The following HIF1A variants were observed in gnomAD, a reference collection of about 807,000 sequenced individuals.
HIF1A encodes the protein hypoxia inducible factor 1 subunit alpha, also known as hypoxia-inducible factor 1-alpha.
HIF1A carries 24 observed loss-of-function variants against 92.7 expected under a neutral mutation model. That is an observed-to-expected ratio of 0.26 (90% CI 0.19 to 0.36). HIF1A has a LOEUF of 0.36. Ranked by LOEUF, HIF1A falls within the 10% of genes least tolerant of loss-of-function variation. HIF1A has a pLI of 1.00. For synonymous variants in HIF1A, 319 were observed against 338.7 expected, an observed-to-expected ratio of 0.94 and a Z score of 0.64; for missense variants, 799 against 998.5, an observed-to-expected ratio of 0.80 and a Z score of 2.69.
intron 12 of HIF1A, among the ~76,000 whole-genome samples, chr14:61,742,446 A>G (rs1468145630): frequency 6.6e-6 from 1 of 152,138 alleles, no homozygotes; most frequent in Non-Finnish European, 1.5e-5. Flanking sequence ...GCTTTAGATG[A>G]ACTCAGAAGT....
In HIF1A at chr14:61,726,780, C is replaced by T; in HGVS notation, c.532C>T (p.Arg178Ter). Reference sequence around the variant, plus strand: ...CAGAATGAAGTGTACCCTAACTAGCCGAGGAAGAACTATGAACATAAAGTC... The same window carrying T: ...CAGAATGAAGTGTACCCTAACTAGCTGAGGAAGAACTATGAACATAAAGTC... ...FLRMKCTLTS[R>*]GRTMNIKSAT... is the part of the protein sequence containing the mutation. The change falls in exon 5 of 15, where the codon CGA becomes TGA. Residue 178 changes from arginine to a stop codon, truncating the protein, a stop_gained. Transcript: ENST00000337138. LOFTEE classifies it high-confidence loss of function. 2 of 1,607,066 alleles carry T rather than the reference C, an allele frequency of 1.2e-6. No individual in the cohort carries two copies. The highest frequency in any genetic ancestry group is 1.7e-6 in the Non-Finnish European group (2 of 1,176,654).
intron 1 of HIF1A, among the ~76,000 whole-genome samples, chr14:61,702,333 C>T (rs528490331): frequency 9.1e-5 from 13 of 142,378 alleles, no homozygotes; most frequent in African/African-American, 2.9e-4. Flanking sequence ...CCCAGCTACT[C>T]GGAGGCTGAG....
chr14:61,710,452 C>G (rs1055316171), intron 1 of HIF1A, among the ~76,000 whole-genome samples: 6 of 152,110 alleles, frequency 3.9e-5, no homozygotes, highest in Non-Finnish European at 8.8e-5. Flanking sequence ...TTGAATACAT[C>G]AATAACATTC....
At position 61,721,528 on chromosome 14, in the gene HIF1A, T is replaced by G. The variant is rs751560090; in HGVS notation, c.246T>G (p.Asp82Glu). ...TTTTAGGTGATTTGGATATTGAAGA[T>G]GACATGAAAGCACAGATGAATTGCT... ...LLDAGDLDIE[D>E]DMKAQMNCFY... Residue 82 changes from aspartate to glutamate, a missense_variant, in exon 3 of 15, where the codon GAT becomes GAG. Asp to Glu is a conservative substitution (Grantham distance 45). Transcript: ENST00000337138. The G allele has an allele frequency of 6.2e-7, 1 of 1,613,244 alleles. No homozygotes were observed. The highest frequency in any genetic ancestry group is 1.1e-5 in the South Asian group (1 of 91,050).
At position 61,732,676 on chromosome 14, in the gene HIF1A, T is replaced by G. The variant is rs552595830; in HGVS notation, c.880+152T>G. On this transcript the variant is annotated intron_variant, in intron 7 of 14. Coordinates refer to ENST00000337138, the MANE Select transcript of HIF1A (RefSeq NM_001530.4). ...GTAGAGATCTTGACCATTTTGTGTT[T>G]TGTATGTGTTGCAACAAATATCAGT... is the stretch of plus-strand genomic sequence containing the variant. 1.2e-4 allele frequency: 55 copies of G among 460,880 alleles called. No homozygotes were observed. In the East Asian group the frequency reaches 1.3e-3, roughly 11 times the overall value. The allele number at this position is 460,880 out of a possible 1,614,324, so 28.5% of individuals were successfully genotyped here.
intron 1 of HIF1A, among the ~76,000 whole-genome samples, chr14:61,719,609 A>G (rs2044402578): frequency 6.6e-6 from 1 of 152,254 alleles, no homozygotes; most frequent in African/African-American, 2.4e-5. Context: ...TGGTGTGACA[A>G]TGAAAATCTT....
At chr14:61,706,533 A>G (rs1183075265) in intron 1 of HIF1A, among the ~76,000 whole-genome samples, 1 of 152,182 alleles carries the variant, frequency 6.6e-6, no homozygotes, top group South Asian at 2.1e-4. Flanking sequence ...CAAACATGGT[A>G]TGTTATAGGA....
intron 4 of HIF1A, 23 bp downstream of exon 4, chr14:61,721,846 T>G: frequency 6.5e-7 from 1 of 1,547,300 alleles, no homozygotes. Flanking sequence ...TGTTGTTTGA[T>G]TTAATGTGAC....
intron 12 of HIF1A, among the ~76,000 whole-genome samples, chr14:61,742,543 G>A (rs538487563): frequency 2.3e-4 from 35 of 152,112 alleles, no homozygotes; most frequent in Non-Finnish European, 5.0e-4. Context: ...GGGCATTTTA[G>A]TGATACTAAT....
At chr14:61,741,635 C>G (rs2044713632) in intron 12 of HIF1A, among the ~76,000 whole-genome samples, 1 of 152,152 alleles carries the variant, frequency 6.6e-6, no homozygotes, top group Non-Finnish European at 1.5e-5. Flanking sequence ...TCCGAAAGAG[C>G]TGGGATTACA....
At chr14:61,728,019 C>CA (rs61241012) in intron 6 of HIF1A, among the ~76,000 whole-genome samples, 37,310 of 143,038 alleles carry the variant, frequency 0.26, 5,822 homozygotes, top group African/African-American at 0.45. Context: ...ACTCCCATTT[C>CA]AAAAAAAAAA....
chr14:61,734,543 C>A (rs1320920187), intron 8 of HIF1A, among the ~76,000 whole-genome samples: 3 of 152,086 alleles, frequency 2.0e-5, no homozygotes. Flanking sequence ...GAAAAAAATA[C>A]CAGATCCATT....
At chr14:61,737,869 A>C (rs773265457) in intron 9 of HIF1A, among the ~76,000 whole-genome samples, 1 of 152,132 alleles carries the variant, frequency 6.6e-6, no homozygotes, top group Non-Finnish European at 1.5e-5. Context: ...TCTACCAAAA[A>C]TACAAAAGTT....
At position 61,747,103 on chromosome 14, in the gene HIF1A, T is replaced by C. The variant is rs552985977; in HGVS notation, c.*18T>C. ...TTAACTGAGCTTTTTCTTAATTTCA[T>C]TCCTTTTTTTGGACACTGGTGGCTC... On this transcript the variant is annotated 3_prime_UTR_variant, in exon 15 of 15. Transcript: ENST00000337138. The C allele has an allele frequency of 2.5e-6, 4 of 1,593,004 alleles. No individual in the cohort carries two copies. Among genetic ancestry groups the C allele is most frequent in the South Asian group, 1.1e-5 (1 of 87,274 alleles).
chr14:61,708,217 G>T (rs995554194), intron 1 of HIF1A, among the ~76,000 whole-genome samples: 1 of 152,170 alleles, frequency 6.6e-6, no homozygotes, highest in Non-Finnish European at 1.5e-5. Flanking sequence ...TTTGTCAGAT[G>T]AGTAGATTGC....
At chr14:61,716,924 G>C (rs1461019624) in intron 1 of HIF1A, 2 of 152,068 alleles carry the variant, frequency 1.3e-5, no homozygotes, top group Admixed American at 6.5e-5. Flanking sequence ...TGTAGAAATG[G>C]GTAAACAAAC....
intron 9 of HIF1A, 26 bp from the exon 10 acceptor site, chr14:61,738,061 G>C (rs1277781819): frequency 1.9e-6 from 3 of 1,540,718 alleles, no homozygotes; most frequent in Non-Finnish European, 2.6e-6. Flanking sequence ...CTATACTTTA[G>C]ATTGACTCAT....
chr14:61,718,240 C>T (rs2044385472), intron 1 of HIF1A, among the ~76,000 whole-genome samples: 1 of 152,160 alleles, frequency 6.6e-6, no homozygotes, highest in Non-Finnish European at 1.5e-5. Flanking sequence ...ATTGCTTGAG[C>T]TTAGGCGTTC....
intron 6 of HIF1A, among the ~76,000 whole-genome samples, chr14:61,728,060 T>C (rs921706497): frequency 6.6e-6 from 1 of 152,012 alleles, no homozygotes; most frequent in African/African-American, 2.4e-5. Flanking sequence ...AACTATACTT[T>C]CCACTAAATT....
Sources: gnomAD v4.1 joint callset for allele counts (sites outside exome capture counted in the v4.1 genomes callset) on GRCh38, gnomAD v4.1.1 for gene constraint, MANE v1.5 for transcripts, NCBI Gene and HGNC (gene_info 2026-07-23, HGNC 2026-07-21) for gene names.